The following TRAF6 variants were observed in gnomAD, a reference collection of about 807,000 sequenced individuals.
TRAF6 encodes the protein TNF receptor-associated factor 6.
In TRAF6, 10 loss-of-function variants were observed where a neutral mutation model predicts 48.4. The observed-to-expected ratio is 0.21, with a 90% CI of 0.13 to 0.35. TRAF6 has a LOEUF of 0.35. TRAF6 is among the 10% of genes least tolerant of loss of function. TRAF6 has a pLI of 1.00. For synonymous variants in TRAF6, 186 were observed against 219.6 expected (o/e 0.85, Z 1.35); for missense variants, 397 against 661.0 (o/e 0.60, Z 4.38).
rs1859484312 is a variant in TRAF6 at position 36,486,388 on chromosome 11, G to C, written c.*3450C>G. On this transcript the variant is annotated 3_prime_UTR_variant, in exon 7 of 7. Transcript: ENST00000526995. ...GAGTAGAACTTGAGGCAAGCCAAGA[G>C]AACAGTGTTAGTACATACAAGCAAT... 6.6e-6 allele frequency among the ~76,000 whole-genome samples: 1 copy of C among 152,062 alleles called. No individual in the cohort carries two copies. Among genetic ancestry groups the C allele is most frequent in the Admixed American group, 6.6e-5 (1 of 15,264 alleles).
At chr11:36,498,765 A>G (rs1859676319) in intron 2 of TRAF6, 125 bp from the exon 3 acceptor site, 2 of 1,019,238 alleles carry the variant, frequency 2.0e-6, no homozygotes, top group African/African-American at 1.7e-5. Flanking sequence ...TTAACATATT[A>G]TATTGCAGGT....
intron 1 of TRAF6, among the ~76,000 whole-genome samples, chr11:36,505,459 TCA>T (rs1015559786): frequency 3.9e-5 from 6 of 152,206 alleles, no homozygotes; most frequent in Admixed American, 3.9e-4. Context: ...CTCACCTCTC[TCA>T]AACTTTACAG....
intron 4 of TRAF6, among the ~76,000 whole-genome samples, chr11:36,496,800 T>C (rs1165310173): frequency 6.6e-6 from 1 of 152,200 alleles, no homozygotes; most frequent in African/African-American, 2.4e-5. Flanking sequence ...CAAAATTGGT[T>C]ATTAAAATAT....
chr11:36,497,329 T>G, intron 3 of TRAF6, 63 bp from the exon 4 acceptor site: 3 of 1,470,452 alleles, frequency 2.0e-6, no homozygotes, highest in Non-Finnish European at 2.8e-6. Context: ...ATATAAGCTC[T>G]CCTAATCATA....
chr11:36,490,599 T>G lies in TRAF6; in HGVS notation c.808A>C (p.Met270Leu). The G allele has an allele frequency of 1.2e-6, 2 of 1,613,966 alleles. No homozygotes were observed. The highest frequency in any genetic ancestry group is 1.7e-6 in the Non-Finnish European group (2 of 1,179,894). Residue 270 changes from methionine (M) to leucine (L), a missense_variant, in exon 7 of 7, where the codon ATG becomes CTG. By Grantham distance (15) the Met-to-Leu change is conservative. Transcript: ENST00000526995. This position sits in a 1 kb window ranked among gnomAD's most constrained non-coding sequence, Gnocchi z 6.4. ...TGAACAGCCTGGGCCAACATTCTCA[T>G]GTGTGACTGGGTGTTCTCTTGTAGG... ...RHLQENTQSH[M>L]RMLAQAVHSL...
chr11:36,504,127 T>G (rs886249540), intron 1 of TRAF6, among the ~76,000 whole-genome samples: 5 of 152,202 alleles, frequency 3.3e-5, no homozygotes, highest in African/African-American at 1.2e-4. Flanking sequence ...TGTTGATGGC[T>G]GTTGACTGAT....
Position 36,501,412 on chromosome 11 carries a change from C to T in TRAF6, c.104G>A (p.Ser35Asn), listed in dbSNP as rs758804620. 1.3e-5 allele frequency: 21 copies of T among 1,614,066 alleles called. No individual in the cohort carries two copies. Among genetic ancestry groups the T allele is most frequent in the Non-Finnish European group, 1.7e-5 (20 of 1,180,036 alleles). ...CCCCGTGCTGGCAGTTCCACCCACA[C>T]TATCATCTTTTGTTACAGCGCTACA... is the stretch of plus-strand genomic sequence containing the variant. ...SSCSAVTKDD[S>N]VGGTASTGNL... Residue 35 changes from serine to asparagine, a missense_variant, in exon 2 of 7, where the codon AGT (serine) becomes AAT (asparagine). Coordinates refer to ENST00000526995, the MANE Select transcript of TRAF6 (RefSeq NM_004620.4).
At chr11:36,493,659 T>A (rs973254149) in intron 5 of TRAF6, among the ~76,000 whole-genome samples, 5 of 152,250 alleles carry the variant, frequency 3.3e-5, no homozygotes, top group Middle Eastern at 3.2e-3. Context: ...AGTTTAAACC[T>A]AGGACTAAAA....
intron 1 of TRAF6, among the ~76,000 whole-genome samples, chr11:36,504,926 A>G (rs1859764681): frequency 6.6e-6 from 1 of 152,216 alleles, no homozygotes; most frequent in South Asian, 2.1e-4. Context: ...GAGCAGTAAT[A>G]TTTTGAAAGG....
rs1388994498 is a variant in TRAF6, at chr11:36,497,145, T to A, written c.569A>T (p.Asp190Val). 1 of 1,613,768 alleles carries A rather than the reference T, an allele frequency of 6.2e-7. No homozygotes were observed. The highest frequency in any genetic ancestry group is 8.5e-7 in the Non-Finnish European group (1 of 1,179,952). The change falls in exon 4 of 7, where the codon GAC becomes GTC. Residue 190 changes from aspartate to valine, a missense_variant. By Grantham distance (152) the Asp-to-Val change is radical. Around this residue, in one of 4 missense-constraint regions of TRAF6, gnomAD observed 245 missense variants for 349.1 expected, o/e 0.70. Transcript: ENST00000526995. The stretch of plus-strand genomic sequence containing the variant: ...AAATGCCATTGATGCAGCACAGTTG[T>A]CACAAGAAACCTGTCTCCTTGGACA... ...KDCPRRQVSC[D>V]NCAASMAFED...
In TRAF6 at chr11:36,492,872, A is replaced by C. The variant is rs1469989104; in HGVS notation, c.679-244T>G. ...ATCCAAAATTCATTTCAAGAAAATG[A>C]ATTTGTTCCTCTTGCTGGGAACTGG... On this transcript the variant is annotated intron_variant, in intron 5 of 6. Transcript: ENST00000526995. Among the ~76,000 whole-genome samples the C allele has an allele frequency of 3.3e-5, 5 of 152,202 alleles. No homozygotes were observed. The South Asian group carries it at 8.3e-4, about 25-fold the overall frequency.
Position 36,494,231 on chromosome 11 carries a change from G to A in TRAF6, c.678+745C>T, listed in dbSNP as rs188565615. ...AATCTAAAAAAATAAAAAATTAGCC[G>A]GGCATGGTGGTGCACGCCCGTAGTC... On this transcript the variant is annotated intron_variant, in intron 5 of 6. Transcript: ENST00000526995. Among the ~76,000 whole-genome samples the A allele has an allele frequency of 4.6e-5, 7 of 152,078 alleles. No homozygotes were observed. In the East Asian group the frequency reaches 5.8e-4, roughly 13 times the overall value.
Position 36,505,768 on chromosome 11 carries a change from T to C in TRAF6, c.-22-4231A>G, listed in dbSNP as rs149274221. 1.1e-3 allele frequency among the ~76,000 whole-genome samples: 162 copies of C among 152,340 alleles called. 2 individuals carry two copies. The highest frequency in any genetic ancestry group is 3.4e-3 in the African/African-American group (142 of 41,572). ...ACAGACATGTGGCTCTTTGGTTTAC[T>C]TGAACACTTAGAGGCCATTGTAGGA... On this transcript the variant is annotated intron_variant, in intron 1 of 6. Transcript: ENST00000526995.
rs568622369 is a variant in TRAF6, at chr11:36,484,001, A to G, written c.*5837T>C. On this transcript the variant is annotated 3_prime_UTR_variant, in exon 7 of 7. Transcript: ENST00000526995. ...TTAAAACTCCAGGTGCCTTTTTGAGATAAGTGTGAATCCACATTCACAACC... is the reference window on the plus strand; with the variant it reads ...TTAAAACTCCAGGTGCCTTTTTGAGGTAAGTGTGAATCCACATTCACAACC... Among the ~76,000 whole-genome samples the G allele has an allele frequency of 3.6e-4, 55 of 152,330 alleles. No individual in the cohort carries two copies. Among genetic ancestry groups the G allele is most frequent in the Non-Finnish European group, 4.6e-4 (31 of 68,028 alleles).
rs1368733332 is a variant in TRAF6, at chr11:36,485,016, T to C, written c.*4822A>G. Among the ~76,000 whole-genome samples, 4 of 152,158 alleles carry C rather than the reference T, an allele frequency of 2.6e-5. No homozygotes were observed. Among genetic ancestry groups the C allele is most frequent in the Non-Finnish European group, 4.4e-5 (3 of 68,026 alleles). ...CCCAAAGAACTTAAGACAAATTGAT[T>C]AAAGTTGTTCAGTTATTTTAGAATA... On this transcript the variant is annotated 3_prime_UTR_variant, in exon 7 of 7. Coordinates refer to ENST00000526995, the MANE Select transcript of TRAF6 (RefSeq NM_004620.4).
chr11:36,501,767 C>T, intron 1 of TRAF6: 1 of 284,052 alleles, frequency 3.5e-6, no homozygotes, highest in East Asian at 6.1e-5. Context: ...GTGCAAATCA[C>T]TTGGAGCACA....
intron 1 of TRAF6, among the ~76,000 whole-genome samples, chr11:36,508,362 G>A (rs1166914810): frequency 2.6e-5 from 4 of 151,928 alleles, no homozygotes; most frequent in Non-Finnish European, 4.4e-5. Flanking sequence ...GCCGTAAAAT[G>A]AGTAGTATTG....
chr11:36,497,767 G>A (rs1424021406), intron 3 of TRAF6, among the ~76,000 whole-genome samples: 1 of 151,932 alleles, frequency 6.6e-6, no homozygotes, highest in African/African-American at 2.4e-5. Context: ...ATAATAAAAT[G>A]CACAATTTAG....
chr11:36,486,374 G>T lies in TRAF6; in HGVS notation c.*3464C>A, dbSNP rs755091714. ...TTATATAAAATAATGAGTAGAACTT[G>T]AGGCAAGCCAAGAGAACAGTGTTAG... On this transcript the variant is annotated 3_prime_UTR_variant, in exon 7 of 7. Transcript: ENST00000526995. Among the ~76,000 whole-genome samples the T allele has an allele frequency of 6.6e-6, 1 of 152,100 alleles. No homozygotes were observed. The highest frequency in any genetic ancestry group is 1.5e-5 in the Non-Finnish European group (1 of 68,020).
Sources: gnomAD v4.1 joint callset for allele counts (sites outside exome capture counted in the v4.1 genomes callset) on GRCh38, gnomAD v4.1.1 for gene constraint, gnomAD v4.1.1 regional missense constraint, Gnocchi (gnomAD v3.1) non-coding constraint, MANE v1.5 for transcripts, NCBI Gene and HGNC (gene_info 2026-07-23, HGNC 2026-07-21) for gene names.